FSD2: variants seen among roughly 807,000 people sequenced by gnomAD.
FSD2 encodes the protein fibronectin type III and SPRY domain containing 2.
Under a neutral mutation model 80.4 loss-of-function variants are expected in FSD2, and 71 were observed. The ratio of observed to expected loss-of-function variants is 0.88; its 90% confidence interval spans 0.73 to 1.08. FSD2 has a LOEUF of 1.08. FSD2 is among the 50% of genes least tolerant of loss of function. The probability of loss-of-function intolerance (pLI) is 0.00; values close to 1 mark genes in which losing one functional copy is unlikely to be tolerated. For synonymous variants in FSD2, 361 were observed against 329.5 expected, an observed-to-expected ratio of 1.10 and a Z score of -1.03; for missense variants, 923 against 913.8, an observed-to-expected ratio of 1.01 and a Z score of -0.13.
At chr15:82,802,863 A>C (rs2050447739) in intron 1 of FSD2, among the ~76,000 whole-genome samples, 1 of 152,176 alleles carries the variant, frequency 6.6e-6, no homozygotes, top group Non-Finnish European at 1.5e-5. Flanking sequence ...TGCAGAGGTC[A>C]TCTGGTGAAG....
intron 9 of FSD2, among the ~76,000 whole-genome samples, chr15:82,768,289 A>G (rs2049470073): frequency 1.3e-5 from 2 of 152,134 alleles, no homozygotes; most frequent in African/African-American, 4.8e-5. Context: ...GCCTGTGTTC[A>G]TGCAGCCCCC....
chr15:82,778,959 T>G, intron 5 of FSD2, 72 bp from the exon 6 acceptor site: 1 of 1,529,554 alleles, frequency 6.5e-7, no homozygotes, highest in Non-Finnish European at 8.9e-7. Flanking sequence ...TAGTGCTGAG[T>G]CACTGTCATA....
intron 6 of FSD2, among the ~76,000 whole-genome samples, chr15:82,774,926 C>T (rs1365364251): frequency 6.6e-6 from 1 of 150,390 alleles, no homozygotes; most frequent in Non-Finnish European, 1.5e-5. Flanking sequence ...TTCACCATGT[C>T]GGCCAGGATG....
Position 82,765,203 on chromosome 15 carries a change from C to G in FSD2, c.1783G>C (p.Ala595Pro). 3.7e-6 allele frequency: 6 copies of G among 1,607,060 alleles called. No homozygotes were observed. Among genetic ancestry groups the G allele is most frequent in the Non-Finnish European group, 5.1e-6 (6 of 1,176,198 alleles). Residue 595 changes from alanine (A) to proline (P), a missense_variant, in exon 11 of 13, where the codon GCC (alanine) becomes CCC (proline). Coordinates refer to ENST00000334574, the MANE Select transcript of FSD2 (RefSeq NM_001007122.4). ...GTGTCGCTGGGTGACAGCTCCCTGGCGGGGGTTCTCCTTTCACTTCGTACA... is the reference window on the plus strand; with the variant it reads ...GTGTCGCTGGGTGACAGCTCCCTGGGGGGGGTTCTCCTTTCACTTCGTACA... Reference protein sequence around the residue: ...TAVRSERRTPARELSPSDTHF... With the variant: ...TAVRSERRTPPRELSPSDTHF...
chr15:82,790,680 A>T (rs1037897289), intron 1 of FSD2, among the ~76,000 whole-genome samples: 5 of 150,680 alleles, frequency 3.3e-5, no homozygotes, highest in Non-Finnish European at 7.4e-5. Context: ...GGTTCACGCC[A>T]TCCTCCTGCT....
chr15:82,794,726 CT>C lies in FSD2; in HGVS notation c.-78-7259del, dbSNP rs56731193. On this transcript the variant is annotated intron_variant, in intron 1 of 12. Coordinates refer to ENST00000334574, the MANE Select transcript of FSD2 (RefSeq NM_001007122.4). ...ATCTTTTTGATGGATTGGCTCTTTT[CT>C]TTTTTTTTTTTTTTTGAGAAGGAGT... Among the ~76,000 whole-genome samples, 904 of 134,902 alleles carry C rather than the reference CT, an allele frequency of 6.7e-3. 4 individuals are homozygous for C. Among genetic ancestry groups the C allele is most frequent in the African/African-American group, 0.02 (736 of 37,062 alleles). The allele number at this position is 134,902 out of a possible 152,430, so 88.5% of individuals were successfully genotyped here. A position where few individuals can be genotyped will look rare whatever the true frequency, so the allele number is the denominator to read the frequency against.
intron 10 of FSD2, 133 bp downstream of exon 10, chr15:82,765,762 ACTC>A (rs2049401559): frequency 9.2e-7 from 1 of 1,089,642 alleles, no homozygotes; most frequent in Non-Finnish European, 1.3e-6. Flanking sequence ...ACACCCCTGA[ACTC>A]CTTCTGGCCT....
intron 4 of FSD2, among the ~76,000 whole-genome samples, chr15:82,782,100 AT>A (rs1427281343): frequency 4.4e-4 from 55 of 123,676 alleles, no homozygotes; most frequent in African/African-American, 1.4e-3. Context: ...AATAATAATA[AT>A]AATAAAACTC....
In FSD2 at chr15:82,757,775, A is replaced by G. The variant is rs952826062; in HGVS notation, c.*1573T>C. 2.0e-5 allele frequency: 3 copies of G among 152,232 alleles called. No homozygotes were observed. The highest frequency in any genetic ancestry group is 7.2e-5 in the African/African-American group (3 of 41,460). The allele number at this position is 152,232 out of a possible 1,614,324, so 9.4% of individuals were successfully genotyped here. A position where few individuals can be genotyped will look rare whatever the true frequency, so the allele number is the denominator to read the frequency against. ...GTGTGTGTGTGTATAACGAGTTATT[A>G]AATTGTCAGTGTGAATTGTTAATTC... On this transcript the variant is annotated 3_prime_UTR_variant, in exon 13 of 13. Transcript: ENST00000334574.
intron 5 of FSD2, 96 bp from the exon 6 acceptor site, chr15:82,778,983 T>C (rs1001670677): frequency 7.1e-7 from 1 of 1,408,220 alleles, no homozygotes; most frequent in Admixed American, 2.1e-5. Flanking sequence ...GAAGAGGGGC[T>C]CTTTGCTGAA....
chr15:82,781,772 A>C (rs901233567), intron 4 of FSD2, among the ~76,000 whole-genome samples: 2 of 151,720 alleles, frequency 1.3e-5, no homozygotes, highest in Non-Finnish European at 2.9e-5. Flanking sequence ...CTCTTAGAGC[A>C]CTCTTGGCCG....
intron 1 of FSD2, among the ~76,000 whole-genome samples, chr15:82,803,863 C>T (rs995443686): frequency 2.0e-5 from 3 of 152,192 alleles, no homozygotes; most frequent in Non-Finnish European, 4.4e-5. Context: ...GTTTCTGCCA[C>T]ATCCTGGAAG....
At chr15:82,761,634 G>A (rs2049297472) in intron 12 of FSD2, among the ~76,000 whole-genome samples, 1 of 151,490 alleles carries the variant, frequency 6.6e-6, no homozygotes, top group Non-Finnish European at 1.5e-5. Context: ...GCTGTGAGGT[G>A]TGGTCTTCTT....
intron 3 of FSD2, 147 bp downstream of exon 3, chr15:82,786,364 A>C: frequency 1.5e-6 from 1 of 646,380 alleles, no homozygotes; most frequent in Non-Finnish European, 2.7e-6. Flanking sequence ...ATGGGAGGTC[A>C]GTGAAAGAAG....
intron 4 of FSD2, among the ~76,000 whole-genome samples, chr15:82,781,519 C>T (rs547815576): frequency 1.3e-5 from 2 of 152,330 alleles, no homozygotes; most frequent in South Asian, 4.1e-4. Context: ...TCCCCCTCCT[C>T]CTGTGGCACC....
intron 1 of FSD2, among the ~76,000 whole-genome samples, chr15:82,799,068 C>T (rs986126905): frequency 4.6e-5 from 7 of 151,756 alleles, no homozygotes; most frequent in Non-Finnish European, 8.8e-5. Flanking sequence ...TGTAGAGACA[C>T]GGTCTCACTA....
intron 1 of FSD2, among the ~76,000 whole-genome samples, chr15:82,789,067 C>A (rs1013906209): frequency 1.3e-5 from 2 of 151,698 alleles, no homozygotes; most frequent in Admixed American, 1.3e-4. Flanking sequence ...GGAAAAATCC[C>A]AAATACAAGG....
At position 82,782,285 on chromosome 15, in the gene FSD2, A is replaced by G. The variant is rs1307039116; in HGVS notation, c.966+510T>C. Among the ~76,000 whole-genome samples, 5 of 151,398 alleles carry G rather than the reference A, an allele frequency of 3.3e-5. No homozygotes were observed. The East Asian group carries it at 7.8e-4, about 24-fold the overall frequency. On this transcript the variant is annotated intron_variant, in intron 4 of 12. Coordinates refer to ENST00000334574, the MANE Select transcript of FSD2 (RefSeq NM_001007122.4). ...CTTGGTGGCGAGCGCCTGTAGTCCC[A>G]GCTACTAGGGAGGCTGAGGCAGGAG...
intron 3 of FSD2, among the ~76,000 whole-genome samples, chr15:82,783,476 T>A (rs1310166223): frequency 6.6e-6 from 1 of 152,212 alleles, no homozygotes; most frequent in Non-Finnish European, 1.5e-5. Context: ...CTCTCATCTC[T>A]TGTTGGGAGT....
Sources: allele counts gnomAD v4.1 joint callset (sites outside exome capture counted in the v4.1 genomes callset), GRCh38; gene constraint gnomAD v4.1.1; transcripts MANE v1.5; gene names NCBI Gene and HGNC (gene_info 2026-07-23, HGNC 2026-07-21).